LRRK2: variants seen among roughly 807,000 people sequenced by gnomAD.
LRRK2 encodes the protein leucine rich repeat kinase 2.
Under a neutral mutation model 302.6 loss-of-function variants are expected in LRRK2, and 203 were observed. The ratio of observed to expected loss-of-function variants is 0.67; its 90% CI spans 0.60 to 0.75. The LOEUF is 0.75. Among genes scored for constraint, LRRK2 ranks in the 30% least tolerant of loss-of-function variants. LRRK2 has a pLI of 0.00. For missense variants in LRRK2, 2,830 were observed against 2,951.0 expected (o/e 0.96, Z 0.95); for synonymous variants, 1,066 against 1,031.9 (o/e 1.03, Z -0.63).
intron 2 of LRRK2, among the ~76,000 whole-genome samples, chr12:40,231,379 C>T (rs1941176052): frequency 9.3e-6 from 1 of 108,080 alleles, no homozygotes; most frequent in Admixed American, 1.2e-4. Flanking sequence ...AGAGCGAGAC[C>T]CCTGTCTTCA....
At position 40,295,524 on chromosome 12, in the gene LRRK2, T is replaced by C; in HGVS notation, c.2976T>C (p.Asn992=). Residue 992 remains asparagine (N), a synonymous_variant, in exon 23 of 51, where the codon AAT becomes AAC. Coordinates refer to ENST00000298910, the MANE Select transcript of LRRK2 (RefSeq NM_198578.4). The part of the protein sequence containing the change: ...EYITSLDLSA[N]ELRDIDALSQ... ...TTACATCACTAGACCTTTCAGCAAA[T>C]GAACTAAGAGATATTGATGCCCTAA... is the stretch of plus-strand genomic sequence containing the variant. 1 of 1,613,986 alleles carries C rather than the reference T, an allele frequency of 6.2e-7. No homozygotes were observed. Among genetic ancestry groups the C allele is most frequent in the Non-Finnish European group, 8.5e-7 (1 of 1,179,980 alleles).
chr12:40,255,574 C>G (rs1365271193), intron 11 of LRRK2, among the ~76,000 whole-genome samples: 1 of 152,130 alleles, frequency 6.6e-6, no homozygotes, highest in Non-Finnish European at 1.5e-5. Context: ...GGTTCCTGGA[C>G]CAGCAGCATT....
intron 14 of LRRK2, among the ~76,000 whole-genome samples, chr12:40,272,637 C>A (rs1408911455): frequency 1.3e-5 from 2 of 151,984 alleles, no homozygotes; most frequent in Non-Finnish European, 2.9e-5. Context: ...ACAGAAAGAA[C>A]TTTGGGCAGG....
At chr12:40,308,154 T>C (rs1370343895) in intron 28 of LRRK2, among the ~76,000 whole-genome samples, 1 of 152,180 alleles carries the variant, frequency 6.6e-6, no homozygotes, top group Non-Finnish European at 1.5e-5. Context: ...TGTGTATATA[T>C]AGAGGTATAT....
intron 13 of LRRK2, among the ~76,000 whole-genome samples, chr12:40,263,249 G>T (rs1162571008): frequency 6.6e-6 from 1 of 152,042 alleles, no homozygotes; most frequent in Admixed American, 6.6e-5. Context: ...GCTTAATAAA[G>T]AATATGATTT....
At chr12:40,250,695 C>A (rs1422312362) in intron 8 of LRRK2, among the ~76,000 whole-genome samples, 1 of 152,110 alleles carries the variant, frequency 6.6e-6, no homozygotes, top group East Asian at 1.9e-4. Context: ...TGTGTATTGT[C>A]CCTCTCCCTG....
chr12:40,354,461 T>G lies in LRRK2; in HGVS notation c.6739T>G (p.Cys2247Gly). 1 of 1,614,142 alleles carries G rather than the reference T, an allele frequency of 6.2e-7. No individual in the cohort carries two copies. Among genetic ancestry groups the G allele is most frequent in the Non-Finnish European group, 8.5e-7 (1 of 1,180,010 alleles). Residue 2247 changes from cysteine (C) to glycine (G), a missense_variant, in exon 45 of 51, where the codon TGT becomes GGT. By Grantham distance (159) the Cys-to-Gly change is radical (BLOSUM62 -3). Around this residue, in one of 3 missense-constraint regions of LRRK2, gnomAD observed 456 missense variants for 456.3 expected, o/e 1.00. Transcript: ENST00000298910. Reference sequence around the variant, plus strand: ...AGAAAAGATGACTGATTCTGTCACTTGTTTGTATTGCAATTCCTTTTCCAA... The same window carrying G: ...AGAAAAGATGACTGATTCTGTCACTGGTTTGTATTGCAATTCCTTTTCCAA... The part of the protein sequence containing the change: ...TLEKMTDSVT[C>G]LYCNSFSKQS...
chr12:40,257,399 G>C (rs761642658), intron 12 of LRRK2, 22 bp downstream of exon 12: 1 of 1,607,252 alleles, frequency 6.2e-7, no homozygotes, highest in South Asian at 1.1e-5. Flanking sequence ...TCATTAACTT[G>C]TACAGAATAT....
intron 25 of LRRK2, chr12:40,301,166 T>G (rs981953488): frequency 1.3e-5 from 6 of 454,658 alleles, no homozygotes; most frequent in Admixed American, 2.4e-5. Context: ...GAAGTGGTCT[T>G]ACATTTGAGA....
rs144319082 is a variant in LRRK2, at chr12:40,334,828, C to G, written c.5758-139C>G. On this transcript the variant is annotated intron_variant, in intron 39 of 50. Transcript: ENST00000298910. Reference sequence around the variant, plus strand: ...TACTGAAAATACGGGAAAAAAAACTCAGAGAAGAAATGGAAAGTTTGCTAT... The same window carrying G: ...TACTGAAAATACGGGAAAAAAAACTGAGAGAAGAAATGGAAAGTTTGCTAT... The G allele has an allele frequency of 2.0e-3, 2,006 of 999,738 alleles. 11 individuals carry two copies. Among genetic ancestry groups the G allele is most frequent in the Middle Eastern group, 0.012 (39 of 3,238 alleles). 61.9% of individuals were successfully genotyped at this position (999,738 alleles called of 1,614,324 possible).
chr12:40,277,146 T>G (rs560783405), intron 16 of LRRK2, among the ~76,000 whole-genome samples: 1 of 152,258 alleles, frequency 6.6e-6, no homozygotes, highest in African/African-American at 2.4e-5. Context: ...TATGTAATAT[T>G]AGAGGTAATA....
intron 11 of LRRK2, among the ~76,000 whole-genome samples, chr12:40,255,228 A>G (rs1942448136): frequency 1.3e-5 from 2 of 152,216 alleles, no homozygotes; most frequent in Non-Finnish European, 2.9e-5. Flanking sequence ...TGAGGCAGTT[A>G]AGAATAAAAA....
chr12:40,355,609 C>T (rs1946510572), intron 45 of LRRK2, among the ~76,000 whole-genome samples: 1 of 145,230 alleles, frequency 6.9e-6, no homozygotes, highest in Non-Finnish European at 1.5e-5. Flanking sequence ...ATGGCATGAT[C>T]TTGGCTCACT....
At chr12:40,261,360 A>G (rs1942765251) in intron 13 of LRRK2, among the ~76,000 whole-genome samples, 1 of 152,132 alleles carries the variant, frequency 6.6e-6, no homozygotes, top group Non-Finnish European at 1.5e-5. Flanking sequence ...CAAGTTTTGA[A>G]TACAGTATTT....
intron 42 of LRRK2, 27 bp downstream of exon 42, chr12:40,346,950 G>T: frequency 6.3e-7 from 1 of 1,586,100 alleles, no homozygotes; most frequent in Non-Finnish European, 8.6e-7. Context: ...CTACAATGAA[G>T]ATTTTTTTTC....
At chr12:40,354,597 AT>A in intron 45 of LRRK2, 105 bp downstream of exon 45, 1 of 1,035,976 alleles carries the variant, frequency 9.7e-7, no homozygotes. Context: ...TTTTTAGCCT[AT>A]TTTCATTGGT....
At chr12:40,354,513 A>C in intron 45 of LRRK2, 21 bp downstream of exon 45, 1 of 1,598,784 alleles carries the variant, frequency 6.3e-7, no homozygotes, top group Admixed American at 1.7e-5. Flanking sequence ...GAATTTGATC[A>C]ATGGGGAAAT....
Position 40,325,181 on chromosome 12 carries a change from G to A in LRRK2, c.5656+1875G>A, listed in dbSNP as rs1002341777. ...TGGGCATCTGTAATCTCAGCTACTCGGGAGGCTGAGGCAGAGAATTGCTTG... is the reference window on the plus strand; with the variant it reads ...TGGGCATCTGTAATCTCAGCTACTCAGGAGGCTGAGGCAGAGAATTGCTTG... On this transcript the variant is annotated intron_variant, in intron 38 of 50. Coordinates refer to ENST00000298910, the MANE Select transcript of LRRK2 (RefSeq NM_198578.4). 3.9e-5 allele frequency among the ~76,000 whole-genome samples: 6 copies of A among 152,258 alleles called. No individual in the cohort carries two copies. The East Asian group carries it at 5.8e-4, about 15-fold the overall frequency.
At chr12:40,303,443 TA>T (rs1944699252) in intron 26 of LRRK2, among the ~76,000 whole-genome samples, 1 of 152,110 alleles carries the variant, frequency 6.6e-6, no homozygotes, top group Non-Finnish European at 1.5e-5. Context: ...AATATATGTG[TA>T]AATTTATCTT....
Sources: gnomAD v4.1 joint callset for allele counts (sites outside exome capture counted in the v4.1 genomes callset) on GRCh38, gnomAD v4.1.1 for gene constraint, gnomAD v4.1.1 regional missense constraint, MANE v1.5 for transcripts, NCBI Gene and HGNC (gene_info 2026-07-23, HGNC 2026-07-21) for gene names.